Variants in SAMD12 observed in about 807,000 individuals in gnomAD.
SAMD12 encodes the protein sterile alpha motif domain containing 12, also known as sterile alpha motif domain-containing protein 12.
A neutral mutation model predicts 15.0 loss-of-function variants in SAMD12; 9 were observed. The ratio of observed to expected loss-of-function variants is 0.60; its 90% CI spans 0.36 to 1.05. SAMD12 has a LOEUF of 1.05. SAMD12 is among the 50% of genes least tolerant of loss of function. The pLI is 0.01. For missense variants in SAMD12, 230 were observed against 234.2 expected, an observed-to-expected ratio of 0.98 and a Z score of 0.12; for synonymous variants, 86 against 90.1, an observed-to-expected ratio of 0.96 and a Z score of 0.25.
chr8:118,446,929 C>T (rs1822932745), intron 2 of SAMD12, among the ~76,000 whole-genome samples: 1 of 152,164 alleles, frequency 6.6e-6, no homozygotes, highest in Non-Finnish European at 1.5e-5. Flanking sequence ...CTGATGACTT[C>T]AGTTTAATTT....
chr8:118,427,917 G>A (rs1184079474), intron 3 of SAMD12, among the ~76,000 whole-genome samples: 2 of 152,116 alleles, frequency 1.3e-5, no homozygotes, highest in Non-Finnish European at 2.9e-5. Flanking sequence ...ATTCATGTGT[G>A]CCACGTCCGC....
chr8:118,284,748 C>A (rs7842529), intron 4 of SAMD12: 2,191 of 163,498 alleles, frequency 0.013, 63 homozygotes, highest in African/African-American at 0.049. Flanking sequence ...CGAGACCATC[C>A]TGGCTAACAC....
intron 1 of SAMD12, among the ~76,000 whole-genome samples, chr8:118,586,344 CTTTTTT>C (rs869191799): frequency 7.1e-6 from 1 of 139,906 alleles, no homozygotes; most frequent in African/African-American, 2.6e-5. Flanking sequence ...CTTTTTCTTT[CTTTTTT>C]TTTTTTTTTT....
intron 2 of SAMD12, among the ~76,000 whole-genome samples, chr8:118,507,979 T>G (rs541353639): frequency 6.9e-6 from 1 of 145,794 alleles, no homozygotes; most frequent in Non-Finnish European, 1.5e-5. Context: ...AACCCCTAGA[T>G]AGTATAATCT....
At chr8:118,425,607 C>T (rs13251051) in intron 3 of SAMD12, among the ~76,000 whole-genome samples, 84,230 of 151,932 alleles carry the variant, frequency 0.55, 25,410 homozygotes, top group Non-Finnish European at 0.66. Flanking sequence ...TTAGTTTCTC[C>T]GATAGAGTAT....
At chr8:118,270,463 G>A (rs868371849) in intron 4 of SAMD12, among the ~76,000 whole-genome samples, 16 of 151,928 alleles carry the variant, frequency 1.1e-4, no homozygotes, top group Admixed American at 4.6e-4. Context: ...TTACCATCCC[G>A]TTTCTTTTCT....
chr8:118,601,721 G>A (rs1279341730), intron 1 of SAMD12, among the ~76,000 whole-genome samples: 1 of 152,186 alleles, frequency 6.6e-6, no homozygotes, highest in Admixed American at 6.5e-5. Context: ...CAATAGCTGA[G>A]CCTGTTTAGT....
chr8:118,548,608 C>T (rs752869614), intron 2 of SAMD12, among the ~76,000 whole-genome samples: 54 of 152,212 alleles, frequency 3.5e-4, no homozygotes, highest in African/African-American at 5.8e-4. Context: ...ACGCAGAAGA[C>T]GGGTGATTTC....
At chr8:118,528,659 T>C (rs1045873894) in intron 2 of SAMD12, among the ~76,000 whole-genome samples, 1 of 152,248 alleles carries the variant, frequency 6.6e-6, no homozygotes, top group Non-Finnish European at 1.5e-5. Context: ...CAGAACCATG[T>C]AGCTATCAGG....
At chr8:118,147,199 A>G in the SAMD12 span, among the ~76,000 whole-genome samples, 3 of 151,264 alleles carry the variant, frequency 2.0e-5, no homozygotes, top group Non-Finnish European at 4.4e-5. Flanking sequence ...TAATTTTTGT[A>G]TTTTTAGCAG....
intron 4 of SAMD12, among the ~76,000 whole-genome samples, chr8:118,277,547 A>G (rs892128229): frequency 4.6e-5 from 7 of 152,000 alleles, no homozygotes; most frequent in African/African-American, 1.7e-4. Flanking sequence ...ACAAAGAGGA[A>G]AAAGTAATAT....
chr8:118,587,013 C>A (rs1348458553), intron 1 of SAMD12, among the ~76,000 whole-genome samples: 1 of 152,172 alleles, frequency 6.6e-6, no homozygotes, highest in Non-Finnish European at 1.5e-5. Context: ...TATTTGACTG[C>A]CATCTGCAAA....
chr8:118,425,230 G>A (rs1302232859), intron 3 of SAMD12, among the ~76,000 whole-genome samples: 2 of 152,170 alleles, frequency 1.3e-5, no homozygotes, highest in African/African-American at 4.8e-5. Context: ...GAGCCACCGT[G>A]CCCAGCTGTG....
rs184353721 is a variant in SAMD12, at chr8:118,242,201, C to G, written c.434-44469G>C. ...AAGTTCTGGAATTACAGGCTTGGCC[C>G]CATAAGTGTAAATAATAAAACTGTA... is the stretch of plus-strand genomic sequence containing the variant. On this transcript the variant is annotated intron_variant, in intron 4 of 4. Coordinates refer to the SAMD12 transcript ENST00000409003. Among the ~76,000 whole-genome samples, 396 of 152,148 alleles carry G rather than the reference C, an allele frequency of 2.6e-3. 4 individuals are homozygous for G. The highest frequency in any genetic ancestry group is 9.2e-3 in the African/African-American group (383 of 41,518).
chr8:118,513,516 C>T (rs891860173), intron 2 of SAMD12, among the ~76,000 whole-genome samples: 1 of 152,224 alleles, frequency 6.6e-6, no homozygotes, highest in Non-Finnish European at 1.5e-5. Context: ...AAAATATGTA[C>T]ATCTTCCTAT....
At chr8:118,383,043 A>G (rs921644796) in intron 3 of SAMD12, among the ~76,000 whole-genome samples, 1 of 152,194 alleles carries the variant, frequency 6.6e-6, no homozygotes, top group African/African-American at 2.4e-5. Flanking sequence ...TACAAAATGA[A>G]CGAACATCCA....
At chr8:118,550,552 C>T (rs1039462282) in intron 2 of SAMD12, among the ~76,000 whole-genome samples, 19 of 152,214 alleles carry the variant, frequency 1.2e-4, no homozygotes, top group East Asian at 5.8e-4. Context: ...AAGGAACAAC[C>T]GGTACCAGCC....
In SAMD12 at chr8:118,260,246, G is replaced by A. The variant is rs980992662; in HGVS notation, c.434-62514C>T. On this transcript the variant is annotated intron_variant, in intron 4 of 4. Coordinates refer to the SAMD12 transcript ENST00000409003. ...CTAAATAAGCTTTATATATTTATGT[G>A]ATTTATGGATTTGCCTTTTTTTGTC... 6.6e-5 allele frequency among the ~76,000 whole-genome samples: 10 copies of A among 152,008 alleles called. 1 individual carries two copies. The highest frequency in any genetic ancestry group is 2.4e-4 in the African/African-American group (10 of 41,410).
intron 2 of SAMD12, among the ~76,000 whole-genome samples, chr8:118,579,124 A>G (rs1024511162): frequency 3.3e-5 from 5 of 152,182 alleles, no homozygotes; most frequent in African/African-American, 1.2e-4. Flanking sequence ...TATTACCAAT[A>G]TCTTTACAAA....
Sources: gnomAD v4.1 joint callset for allele counts (sites outside exome capture counted in the v4.1 genomes callset) on GRCh38, gnomAD v4.1.1 for gene constraint, MANE v1.5 for transcripts, NCBI Gene and HGNC (gene_info 2026-07-23, HGNC 2026-07-21) for gene names.